The following CERKL variants were observed in gnomAD, a reference collection of about 807,000 sequenced individuals.
The protein encoded by CERKL is CERK like autophagy regulator.
A neutral mutation model predicts 63.4 loss-of-function variants in CERKL; 61 were observed. The observed-to-expected ratio is 0.96, with a 90% CI of 0.78 to 1.19. CERKL has a LOEUF of 1.19. CERKL is among the 50% of genes most tolerant of loss of function. CERKL has a pLI of 0.00. For missense variants in CERKL, 675 were observed against 655.5 expected, an observed-to-expected ratio of 1.03 and a Z score of -0.33; for synonymous variants, 250 against 230.5, an observed-to-expected ratio of 1.08 and a Z score of -0.77.
intron 1 of CERKL, among the ~76,000 whole-genome samples, chr2:181,654,755 CCTT>C (rs1471806486): frequency 4.6e-5 from 7 of 152,254 alleles, no homozygotes; most frequent in East Asian, 1.9e-4. Context: ...CTTAATATCT[CCTT>C]CTTATTTCCC....
In CERKL at chr2:181,643,581, T is replaced by C. The variant is rs910140463; in HGVS notation, c.238+13188A>G. Among the ~76,000 whole-genome samples, 5 of 152,264 alleles carry C rather than the reference T, an allele frequency of 3.3e-5. No homozygotes were observed. The South Asian group carries it at 6.2e-4, about 19-fold the overall frequency. ...ACTCTTAAATGGCAATGGTAAGAAT[T>C]GTTTTGTGAAACTTTTGTTTTAGAC... is the stretch of plus-strand genomic sequence containing the variant. On this transcript the variant is annotated intron_variant, in intron 1 of 12. Transcript: ENST00000410087.
chr2:181,656,623 G>A, intron 1 of CERKL, 146 bp downstream of exon 1: 1 of 699,268 alleles, frequency 1.4e-6, no homozygotes. Context: ...TGGGGACTCG[G>A]TAACCTGTCC....
intron 2 of CERKL, among the ~76,000 whole-genome samples, chr2:181,582,387 G>T (rs1412234440): frequency 6.6e-6 from 1 of 152,042 alleles, no homozygotes; most frequent in Non-Finnish European, 1.5e-5. Flanking sequence ...AGCAACAGTT[G>T]TAGGCCATCA....
rs554167374 is a variant in CERKL, at chr2:181,656,910, A to G, written c.97T>C (p.Leu33=). The G allele has an allele frequency of 1.2e-6, 2 of 1,602,920 alleles. No homozygotes were observed. The highest frequency in any genetic ancestry group is 1.7e-5 in the Admixed American group (1 of 59,718). ...GCCTCCGTCTGCTGCGGGGACGTTA[A>G]CAGCGCCGGAGGCACAGCGGCAGCC... is the stretch of plus-strand genomic sequence containing the variant. ...PEAAAVPPAL[L]TSPQQTEAAA... The change falls in exon 1 of 13, where the codon TTA becomes CTA. Residue 33 remains leucine, a synonymous_variant. Coordinates refer to ENST00000410087, the MANE Select transcript of CERKL (RefSeq NM_201548.5).
At position 181,581,739 on chromosome 2, in the gene CERKL, C is replaced by A. The variant is rs116322817; in HGVS notation, c.482-7855G>T. 9.6e-3 allele frequency among the ~76,000 whole-genome samples: 1,456 copies of A among 152,274 alleles called. 25 individuals carry two copies. The highest frequency in any genetic ancestry group is 0.033 in the African/African-American group (1,370 of 41,554). On this transcript the variant is annotated intron_variant, in intron 2 of 12. Transcript: ENST00000410087. The stretch of plus-strand genomic sequence containing the variant: ...CTGCCACCAGGTGGCTGGCTGGTTG[C>A]TCTGGGACATGGTGCCATATCCAGG...
intron 4 of CERKL, among the ~76,000 whole-genome samples, chr2:181,561,930 C>T (rs1197267478): frequency 6.6e-6 from 1 of 152,152 alleles, no homozygotes; most frequent in Admixed American, 6.6e-5. Flanking sequence ...TCTCCTGCTT[C>T]AGCCTCCCAA....
At chr2:181,609,629 C>G (rs571001106) in intron 1 of CERKL, among the ~76,000 whole-genome samples, 8 of 151,604 alleles carry the variant, frequency 5.3e-5, no homozygotes, top group African/African-American at 1.9e-4. Context: ...TCCCTTGAAC[C>G]CAGGAGGCGG....
At position 181,566,140 on chromosome 2, in the gene CERKL, C is replaced by T. The variant is rs1688657515; in HGVS notation, c.614-19G>A. The T allele has an allele frequency of 1.9e-6, 3 of 1,592,738 alleles. No individual in the cohort carries two copies. The highest frequency in any genetic ancestry group is 1.3e-5 in the African/African-American group (1 of 74,398). ...TCCATTACTATTAAAAAAACACACA[C>T]ACATACACAAAGTGACAGTTTTAAA... On this transcript the variant is annotated intron_variant, in intron 3 of 12. Coordinates refer to ENST00000410087, the MANE Select transcript of CERKL (RefSeq NM_201548.5).
intron 1 of CERKL, among the ~76,000 whole-genome samples, chr2:181,612,031 T>C (rs1048987404): frequency 1.3e-5 from 2 of 152,244 alleles, no homozygotes; most frequent in Non-Finnish European, 2.9e-5. Context: ...CTGTTCTCTG[T>C]ACTTCATTTG....
At chr2:181,650,226 C>A (rs1234722491) in intron 1 of CERKL, 1 of 151,696 alleles carries the variant, frequency 6.6e-6, no homozygotes, top group Non-Finnish European at 1.5e-5. Flanking sequence ...CTGACAACTT[C>A]ACAAATCATG....
chr2:181,617,835 T>C (rs557887876), intron 1 of CERKL, among the ~76,000 whole-genome samples: 111 of 152,346 alleles, frequency 7.3e-4, no homozygotes, highest in African/African-American at 2.4e-3. Context: ...AGTTTTGCTA[T>C]AGTATCAAAG....
intron 3 of CERKL, among the ~76,000 whole-genome samples, chr2:181,570,195 A>G (rs930206580): frequency 6.6e-6 from 1 of 152,168 alleles, no homozygotes; most frequent in East Asian, 1.9e-4. Context: ...CTGAACATTC[A>G]TAAGAATGTC....
intron 1 of CERKL, among the ~76,000 whole-genome samples, chr2:181,621,507 C>T (rs886459641): frequency 6.6e-6 from 1 of 152,116 alleles, no homozygotes; most frequent in East Asian, 1.9e-4. Flanking sequence ...CTAAAATAAG[C>T]TAAATGTTTA....
chr2:181,563,920 T>C (rs1041484982), intron 4 of CERKL, among the ~76,000 whole-genome samples: 30 of 152,086 alleles, frequency 2.0e-4, no homozygotes, highest in Non-Finnish European at 1.8e-4. Context: ...TTTAAAGTGG[T>C]CCCCAACCTT....
At position 181,547,452 on chromosome 2, in the gene CERKL, C is replaced by A. The variant is rs557656478; in HGVS notation, c.1268+166G>T. ...TGATTATCTGATAATTATTCCAGTT[C>A]AACAGTTGTTCTCAACCTACTGTGA... On this transcript the variant is annotated intron_variant, in intron 10 of 12. Transcript: ENST00000410087. Among the ~76,000 whole-genome samples, 7 of 152,252 alleles carry A rather than the reference C, an allele frequency of 4.6e-5. No homozygotes were observed. The East Asian group carries it at 1.2e-3, about 25-fold the overall frequency.
At chr2:181,584,819 T>TTTTTCG (rs1684690600) in intron 2 of CERKL, among the ~76,000 whole-genome samples, 1 of 151,864 alleles carries the variant, frequency 6.6e-6, no homozygotes, top group Non-Finnish European at 1.5e-5. Context: ...CTCCCCGGTT[T>TTTTTCG]TTTTTGTTTT....
intron 1 of CERKL, among the ~76,000 whole-genome samples, chr2:181,655,557 A>G (rs1688119978): frequency 6.6e-6 from 1 of 152,266 alleles, no homozygotes; most frequent in Non-Finnish European, 1.5e-5. Context: ...AAGGTCAAAG[A>G]CTGTTTTCGT....
chr2:181,538,843 T>C (rs1687343420), intron 12 of CERKL, among the ~76,000 whole-genome samples: 1 of 152,130 alleles, frequency 6.6e-6, no homozygotes, highest in South Asian at 2.1e-4. Context: ...TGCACAACAA[T>C]AAATTAGAAA....
At chr2:181,577,656 G>A (rs2105852927) in intron 2 of CERKL, among the ~76,000 whole-genome samples, 1 of 152,208 alleles carries the variant, frequency 6.6e-6, no homozygotes, top group East Asian at 1.9e-4. Context: ...GAGGAGGGTT[G>A]GGGACAGTAT....
Sources: allele counts gnomAD v4.1 joint callset (sites outside exome capture counted in the v4.1 genomes callset), GRCh38; gene constraint gnomAD v4.1.1; transcripts MANE v1.5; gene names NCBI Gene and HGNC (gene_info 2026-07-23, HGNC 2026-07-21).